BNC2: variants seen among roughly 807,000 people sequenced by gnomAD.
BNC2 encodes the protein zinc finger protein basonuclin-2.
A neutral mutation model predicts 76.3 loss-of-function variants in BNC2; 20 were observed. That is an observed-to-expected ratio of 0.26 (90% CI 0.18 to 0.38). BNC2 has a LOEUF of 0.38. Ranked by LOEUF, BNC2 falls within the 10% of genes least tolerant of loss-of-function variation. BNC2 has a pLI of 1.00. For synonymous variants in BNC2, 582 were observed against 514.8 expected (o/e 1.13, Z -1.77); for missense variants, 1,382 against 1,399.8 (o/e 0.99, Z 0.20).
intron 5 of BNC2, among the ~76,000 whole-genome samples, chr9:16,469,512 A>G (rs1368258710): frequency 6.6e-6 from 1 of 152,226 alleles, no homozygotes; most frequent in Non-Finnish European, 1.5e-5. Flanking sequence ...CTGTAAGTCC[A>G]ATTAAACCTC....
chr9:16,689,901 G>C (rs1394422945), intron 3 of BNC2, among the ~76,000 whole-genome samples: 1 of 152,186 alleles, frequency 6.6e-6, no homozygotes, highest in African/African-American at 2.4e-5. Context: ...GTGAGAAAGA[G>C]CAGATAAAGA....
chr9:16,692,126 G>GA (rs1321030948), intron 3 of BNC2, among the ~76,000 whole-genome samples: 1 of 151,726 alleles, frequency 6.6e-6, no homozygotes, highest in Non-Finnish European at 1.5e-5. Context: ...TTATATTTAA[G>GA]AAAAAAAGGT....
intron 3 of BNC2, among the ~76,000 whole-genome samples, chr9:16,589,725 G>T (rs1471159769): frequency 3.3e-5 from 5 of 151,786 alleles, no homozygotes; most frequent in African/African-American, 1.2e-4. Context: ...GGTCAGGCTG[G>T]TCTCAAACTC....
chr9:16,515,263 G>C (rs895741063), intron 5 of BNC2, among the ~76,000 whole-genome samples: 5 of 152,310 alleles, frequency 3.3e-5, no homozygotes, highest in Middle Eastern at 3.4e-3. Flanking sequence ...CCGCTTCAAA[G>C]CCGACTGGGC....
intron 3 of BNC2, among the ~76,000 whole-genome samples, chr9:16,702,565 C>G (rs1823545932): frequency 6.7e-6 from 1 of 149,614 alleles, no homozygotes; most frequent in Admixed American, 6.7e-5. Flanking sequence ...AAGACATCTG[C>G]TGATGGCCTA....
Position 16,419,616 on chromosome 9 carries a change from C to A in BNC2, c.2673G>T (p.Leu891=). The part of the protein sequence containing the change: ...HSANINLHRK[L]LTKELDDMGL... Reference sequence around the variant, plus strand: ...CCATGTCATCGAGTTCTTTGGTCAACAGTTTACGATGTAGGTTTATGTTGG... The same window carrying A: ...CCATGTCATCGAGTTCTTTGGTCAAAAGTTTACGATGTAGGTTTATGTTGG... The change falls in exon 7 of 7, where the codon CTG becomes CTT. Residue 891 remains leucine, a synonymous_variant. Transcript: ENST00000380672. The A allele has an allele frequency of 6.3e-7, 1 of 1,599,622 alleles. No homozygotes were observed. The highest frequency in any genetic ancestry group is 1.8e-5 in the Admixed American group (1 of 56,814).
At chr9:16,569,643 C>G (rs965161590) in intron 4 of BNC2, among the ~76,000 whole-genome samples, 1 of 152,146 alleles carries the variant, frequency 6.6e-6, no homozygotes, top group African/African-American at 2.4e-5. Context: ...TAAACAGGTC[C>G]TTGGTTATAC....
At chr9:16,793,859 T>TC (rs1563946179) in intron 1 of BNC2, among the ~76,000 whole-genome samples, 36 of 94,740 alleles carry the variant, frequency 3.8e-4, no homozygotes, top group Non-Finnish European at 1.8e-4. Context: ...TTGTGGTTTT[T>TC]GTTTTTTTGT....
At chr9:16,475,646 A>T (rs1166203975) in intron 5 of BNC2, among the ~76,000 whole-genome samples, 1 of 152,198 alleles carries the variant, frequency 6.6e-6, no homozygotes, top group Non-Finnish European at 1.5e-5. Context: ...AATCCACTAG[A>T]AATTAATAAA....
chr9:16,600,776 C>A (rs146538823), intron 3 of BNC2, among the ~76,000 whole-genome samples: 1 of 152,126 alleles, frequency 6.6e-6, no homozygotes, highest in East Asian at 1.9e-4. Context: ...ATATAAAGAG[C>A]TAGGGTTATA....
At chr9:16,751,696 A>ATATATATGTATGTGTGTG (rs1825215094) in intron 1 of BNC2, among the ~76,000 whole-genome samples, 1 of 102,738 alleles carries the variant, frequency 9.7e-6, no homozygotes, top group African/African-American at 5.0e-5. Context: ...ATGTGTGTAT[A>ATATATATGTATGTGTGTG]TATATATATA....
chr9:16,627,257 T>A (rs1339163909), intron 3 of BNC2, among the ~76,000 whole-genome samples: 2 of 152,092 alleles, frequency 1.3e-5, no homozygotes, highest in African/African-American at 4.8e-5. Context: ...TACTTAGACT[T>A]TGAAAATACC....
At position 16,417,107 on chromosome 9, in the gene BNC2, C is replaced by T. The variant is rs1820599589; in HGVS notation, c.*1882G>A. The T allele has an allele frequency of 2.0e-5, 3 of 152,048 alleles. No individual in the cohort carries two copies. The South Asian group carries it at 6.2e-4, about 32-fold the overall frequency. The allele number at this position is 152,048 out of a possible 1,614,324, so 9.4% of individuals were successfully genotyped here. ...ATTGTGTACTGTTTGACAAAATATT[C>T]CTTGTTTATCTCTTCTTTTCCCCTC... On this transcript the variant is annotated 3_prime_UTR_variant, in exon 7 of 7. Transcript: ENST00000380672.
At chr9:16,452,577 T>C (rs1821364871) in intron 5 of BNC2, among the ~76,000 whole-genome samples, 1 of 152,144 alleles carries the variant, frequency 6.6e-6, no homozygotes, top group Non-Finnish European at 1.5e-5. Context: ...GCCCGGCTAA[T>C]TTTTGTATAT....
chr9:16,865,658 T>C (rs1819525746), intron 1 of BNC2, among the ~76,000 whole-genome samples: 1 of 152,170 alleles, frequency 6.6e-6, no homozygotes, highest in Non-Finnish European at 1.5e-5. Flanking sequence ...AAAAATACTC[T>C]AGAATGTCAA....
intron 3 of BNC2, among the ~76,000 whole-genome samples, chr9:16,725,994 ACACACACG>A (rs902126208): frequency 4.3e-5 from 6 of 140,324 alleles, no homozygotes; most frequent in African/African-American, 8.3e-5. Context: ...TAACACACAC[ACACACACG>A]CACACACACA....
chr9:16,418,687 TG>T lies in BNC2; in HGVS notation c.*301del. On this transcript the variant is annotated 3_prime_UTR_variant, in exon 7 of 7. Coordinates refer to ENST00000380672, the MANE Select transcript of BNC2 (RefSeq NM_017637.6). Reference sequence around the variant, plus strand: ...CACTGTGTGTGTGTGTGTGTGTGTGTGTGTATGTGCATGTGTGTGTGTGTGT... The same window carrying T: ...CACTGTGTGTGTGTGTGTGTGTGTGTTGTATGTGCATGTGTGTGTGTGTGT... 3.0e-6 allele frequency: 1 copy of T among 332,270 alleles called. No individual in the cohort carries two copies. The highest frequency in any genetic ancestry group is 5.5e-6 in the Non-Finnish European group (1 of 180,604). 20.6% of individuals were successfully genotyped at this position (332,270 alleles called of 1,614,324 possible).
At chr9:16,751,796 G>A (rs1387416583) in intron 1 of BNC2, among the ~76,000 whole-genome samples, 2 of 151,898 alleles carry the variant, frequency 1.3e-5, no homozygotes, top group African/African-American at 2.4e-5. Flanking sequence ...TTTGGAGGCC[G>A]AGGCAGTTTT....
chr9:16,630,726 T>C (rs1821136187), intron 3 of BNC2, among the ~76,000 whole-genome samples: 1 of 151,660 alleles, frequency 6.6e-6, no homozygotes, highest in Non-Finnish European at 1.5e-5. Context: ...AACCTGTGTA[T>C]TATTTAAAAA....
Sources: gnomAD v4.1 joint callset for allele counts (sites outside exome capture counted in the v4.1 genomes callset) on GRCh38, gnomAD v4.1.1 for gene constraint, MANE v1.5 for transcripts, NCBI Gene and HGNC (gene_info 2026-07-23, HGNC 2026-07-21) for gene names.